RYR1: variants seen among roughly 807,000 people sequenced by gnomAD.
RYR1 encodes the protein ryanodine receptor 1.
A neutral mutation model predicts 583.5 loss-of-function variants in RYR1; 342 were observed. That is an observed-to-expected ratio of 0.59 (90% CI 0.54 to 0.64). The LOEUF (loss-of-function observed/expected upper bound fraction) is 0.64. RYR1 is among the 30% of genes least tolerant of loss of function. The pLI is 0.00. For synonymous variants in RYR1, 2,791 were observed against 2,822.5 expected, an observed-to-expected ratio of 0.99 and a Z score of 0.35; for missense variants, 6,032 against 6,917.2, an observed-to-expected ratio of 0.87 and a Z score of 4.54.
intron 1 of RYR1, among the ~76,000 whole-genome samples, chr19:38,439,194 TTTTG>T (rs1972560952): frequency 6.6e-6 from 1 of 151,902 alleles, no homozygotes; most frequent in Non-Finnish European, 1.5e-5. Flanking sequence ...CTATTTTTTT[TTTTG>T]TTTGTTTTTT....
At position 38,583,556 on chromosome 19, in the gene RYR1, C is replaced by T. The variant is rs112763643; in HGVS notation, c.14647-1387C>T. ...CTCCCTCCCCACCCCCACTCAGACC[C>T]TTCTTGTGGCTCCCCAGCCCACTGT... On this transcript the variant is annotated intron_variant, in intron 101 of 105. Coordinates refer to ENST00000359596, the MANE Select transcript of RYR1 (RefSeq NM_000540.3). 3.9e-5 allele frequency among the ~76,000 whole-genome samples: 6 copies of T among 152,088 alleles called. 1 individual carries two copies. Among genetic ancestry groups the T allele is most frequent in the Admixed American group, 1.3e-4 (2 of 15,250 alleles).
chr19:38,517,680 A>G lies in RYR1; in HGVS notation c.10007A>G (p.Lys3336Arg), dbSNP rs1488747964. ...NLGIDEASWM[K>R]RLAVFAQPIV... ...GGCATTGACGAGGCCTCCTGGATGA[A>G]GCGGCTGGCTGGTGGGTCGGGGGGC... The change falls in exon 66 of 106, where the codon AAG becomes AGG. Residue 3336 changes from lysine (K) to arginine (R), a missense_variant. Transcript: ENST00000359596. The G allele has an allele frequency of 6.2e-7, 1 of 1,614,082 alleles. No individual in the cohort carries two copies. The highest frequency in any genetic ancestry group is 8.5e-7 in the Non-Finnish European group (1 of 1,179,972).
rs753812714 is a variant in RYR1 at position 38,505,086 on chromosome 19, G to GGC, written c.8310+5_8310+6insGC. ...GAGAAGTGGGCCTTCGACAAGGTTG[G>GGC]CCTCAGGGTCCTCCTATCCAAGAAA... On this transcript the variant is annotated splice_donor_region_variant and intron_variant, in intron 52 of 105. Coordinates refer to ENST00000359596, the MANE Select transcript of RYR1 (RefSeq NM_000540.3). The GGC allele has an allele frequency of 1.9e-6, 3 of 1,613,790 alleles. No individual in the cohort carries two copies. The East Asian group carries it at 6.7e-5, about 36-fold the overall frequency.
intron 19 of RYR1, 54 bp from the exon 20 acceptor site, chr19:38,460,321 A>C: frequency 6.6e-7 from 1 of 1,521,880 alleles, no homozygotes; most frequent in Non-Finnish European, 9.1e-7. Context: ...CACTGACCAC[A>C]GACTGTCCCC....
intron 47 of RYR1, 83 bp downstream of exon 47, chr19:38,501,073 G>A (rs1299659883): frequency 7.1e-7 from 1 of 1,402,562 alleles, no homozygotes; most frequent in Non-Finnish European, 9.9e-7. Flanking sequence ...AGCAGCAGCT[G>A]CTTTTGTTTT....
chr19:38,570,974 C>G (rs949395621), intron 94 of RYR1, among the ~76,000 whole-genome samples: 34 of 152,220 alleles, frequency 2.2e-4, no homozygotes, highest in Non-Finnish European at 3.7e-4. Context: ...ACATGCCAGT[C>G]CTGTGCGCCT....
At chr19:38,567,953 C>G (rs1325086558) in intron 93 of RYR1, 36 bp downstream of exon 93, 19 of 1,609,390 alleles carry the variant, frequency 1.2e-5, no homozygotes, top group Non-Finnish European at 1.5e-5. Context: ...ACCTTCTTCT[C>G]CCCGGGAGCC....
intron 28 of RYR1, among the ~76,000 whole-genome samples, chr19:38,475,103 C>G (rs545906227): frequency 6.6e-6 from 1 of 152,172 alleles, no homozygotes; most frequent in African/African-American, 2.4e-5. Flanking sequence ...TCCCAGAAGG[C>G]GCCTTTAATT....
intron 90 of RYR1, among the ~76,000 whole-genome samples, chr19:38,562,165 C>A (rs985802199): frequency 2.0e-5 from 3 of 152,102 alleles, no homozygotes; most frequent in African/African-American, 7.2e-5. Context: ...ACCATGCTCA[C>A]CCATGCACAC....
In RYR1 at chr19:38,451,900, C is replaced by T. The variant is rs773920572; in HGVS notation, c.1244+15C>T. ...CAGTTCATCAAGTGAGCAACCTGCC[C>T]TCCCTGCTGGGGTGACTCCTGTGCT... On this transcript the variant is annotated intron_variant, in intron 12 of 105. Transcript: ENST00000359596. 1 of 1,614,060 alleles carries T rather than the reference C, an allele frequency of 6.2e-7. No homozygotes were observed. The highest frequency in any genetic ancestry group is 1.1e-5 in the South Asian group (1 of 91,078).
chr19:38,490,701 T>G lies in RYR1; in HGVS notation c.6096T>G (p.Leu2032=), dbSNP rs1179542549. Residue 2032 remains leucine (L), a synonymous_variant, in exon 37 of 106, where the codon CTT becomes CTG. Coordinates refer to ENST00000359596, the MANE Select transcript of RYR1 (RefSeq NM_000540.3). ...PLPEEIRQDL[L]DFHQDLLAHC... ...CTGAAGAGATTCGACAGGATTTGCT[T>G]GACTTTCATCAAGACCTGCTGGCAC... The G allele has an allele frequency of 1.2e-6, 2 of 1,613,716 alleles. No homozygotes were observed. Among genetic ancestry groups the G allele is most frequent in the African/African-American group, 2.7e-5 (2 of 74,934 alleles).
chr19:38,565,795 G>T lies in RYR1; in HGVS notation c.13437+24G>T. ...GGGTGAGAGAGCAGGCGGGGTTTTG[G>T]GGTTTTGGAAAGATGGGGGATTGGA... On this transcript the variant is annotated intron_variant, in intron 91 of 105. Coordinates refer to ENST00000359596, the MANE Select transcript of RYR1 (RefSeq NM_000540.3). This position sits in a 1 kb window ranked among gnomAD's most constrained non-coding sequence, Gnocchi z 4.7. The T allele has an allele frequency of 7.2e-7, 1 of 1,379,794 alleles. No individual in the cohort carries two copies. The allele number at this position is 1,379,794 out of a possible 1,614,324, so 85.5% of individuals were successfully genotyped here.
intron 1 of RYR1, 142 bp from the exon 2 acceptor site, chr19:38,440,603 C>A (rs1910108876): frequency 4.1e-6 from 3 of 734,124 alleles, no homozygotes; most frequent in Admixed American, 2.6e-5. Flanking sequence ...TTGTCAGGAG[C>A]AGGTAGAGGG....
chr19:38,580,141 C>T lies in RYR1; in HGVS notation c.14511+13C>T. Reference sequence around the variant, plus strand: ...CAATGGGAAACAGGTGTGGGGAGGACCTGGCTGTGGGGCGTGGGCCAGCAG... The same window carrying T: ...CAATGGGAAACAGGTGTGGGGAGGATCTGGCTGTGGGGCGTGGGCCAGCAG... On this transcript the variant is annotated intron_variant, in intron 100 of 105. Coordinates refer to ENST00000359596, the MANE Select transcript of RYR1 (RefSeq NM_000540.3). 1 of 1,614,114 alleles carries T rather than the reference C, an allele frequency of 6.2e-7. No homozygotes were observed. The highest frequency in any genetic ancestry group is 8.5e-7 in the Non-Finnish European group (1 of 1,180,024).
intron 39 of RYR1, among the ~76,000 whole-genome samples, chr19:38,494,913 C>T (rs1484169145): frequency 1.4e-5 from 2 of 141,038 alleles, no homozygotes; most frequent in East Asian, 2.2e-4. Context: ...AGTGCAATGG[C>T]GCAATCTCAG....
chr19:38,552,692 T>G (rs1005294607), intron 89 of RYR1, among the ~76,000 whole-genome samples: 2 of 152,200 alleles, frequency 1.3e-5, no homozygotes, highest in African/African-American at 4.8e-5. Flanking sequence ...GTACACTGCC[T>G]TCAGATTCAT....
At position 38,578,304 on chromosome 19, in the gene RYR1, A is replaced by T. The variant is rs185727359; in HGVS notation, c.14364+100A>T. 67 of 1,219,996 alleles carry T rather than the reference A, an allele frequency of 5.5e-5. No homozygotes were observed. In the East Asian group the frequency reaches 1.6e-3, roughly 28 times the overall value. 75.6% of individuals were successfully genotyped at this position (1,219,996 alleles called of 1,614,324 possible). A position where few individuals can be genotyped will look rare whatever the true frequency, so the allele number is the denominator to read the frequency against. ...TCCTGACCAAAGAATGACTCCTGGG[A>T]CCCTGAGTGGCTGTGACCCTAGGGT... On this transcript the variant is annotated intron_variant, in intron 99 of 105. Transcript: ENST00000359596.
At chr19:38,436,813 A>G (rs1972447937) in intron 1 of RYR1, among the ~76,000 whole-genome samples, 1 of 152,090 alleles carries the variant, frequency 6.6e-6, no homozygotes, top group Non-Finnish European at 1.5e-5. Flanking sequence ...CGTTTGGTTA[A>G]GTATGATGGC....
At chr19:38,448,193 A>T (rs1432931688) in intron 9 of RYR1, among the ~76,000 whole-genome samples, 162 bp from the exon 10 acceptor site, 1 of 152,028 alleles carries the variant, frequency 6.6e-6, no homozygotes, top group Non-Finnish European at 1.5e-5. Flanking sequence ...GCACTTTGGG[A>T]GGCCGAGGTG....
Sources: allele counts gnomAD v4.1 joint callset (sites outside exome capture counted in the v4.1 genomes callset), GRCh38; gene constraint gnomAD v4.1.1; non-coding constraint Gnocchi (gnomAD v3.1); transcripts MANE v1.5; gene names NCBI Gene and HGNC (gene_info 2026-07-23, HGNC 2026-07-21).